Variants in CYP11A1 observed in about 807,000 individuals in gnomAD.
CYP11A1 encodes the protein cholesterol side-chain cleavage enzyme, mitochondrial.
A neutral mutation model predicts 51.9 loss-of-function variants in CYP11A1; 25 were observed. The ratio of observed to expected loss-of-function variants is 0.48; its 90% confidence interval spans 0.35 to 0.67. The LOEUF (loss-of-function observed/expected upper bound fraction) is 0.67, where lower values mean the gene tolerates loss of function less well. Among genes scored for constraint, CYP11A1 ranks in the 30% least tolerant of loss-of-function variants. The pLI is 0.00. For synonymous variants in CYP11A1, 245 were observed against 262.1 expected, an observed-to-expected ratio of 0.93 and a Z score of 0.63; for missense variants, 578 against 680.9, an observed-to-expected ratio of 0.85 and a Z score of 1.68.
intron 1 of CYP11A1, among the ~76,000 whole-genome samples, chr15:74,356,030 G>A (rs1460920411): frequency 6.6e-6 from 1 of 152,198 alleles, no homozygotes; most frequent in Non-Finnish European, 1.5e-5. Context: ...TGCCTTCAAG[G>A]TGTACAATAA....
intron 1 of CYP11A1, chr15:74,365,826 G>C (rs973724440): frequency 1.0e-6 from 1 of 985,492 alleles, no homozygotes; most frequent in Non-Finnish European, 1.2e-6. Context: ...GCCGCAGGCC[G>C]GGCAGAGAAA....
intron 1 of CYP11A1, chr15:74,359,401 A>C (rs911136308): frequency 6.6e-6 from 1 of 152,384 alleles, no homozygotes; most frequent in Non-Finnish European, 1.5e-5. Context: ...CAGGCCTCTG[A>C]GCCCAAGCTA....
At chr15:74,365,973 G>GA (rs1211153771) in intron 1 of CYP11A1, 1 of 831,830 alleles carries the variant, frequency 1.2e-6, no homozygotes, top group Non-Finnish European at 1.3e-6. Flanking sequence ...CTGGGACCTA[G>GA]GACCTGCGGT....
At chr15:74,355,319 A>G (rs1277778506) in intron 1 of CYP11A1, among the ~76,000 whole-genome samples, 1 of 152,182 alleles carries the variant, frequency 6.6e-6, no homozygotes, top group Non-Finnish European at 1.5e-5. Context: ...AGAAAACGGC[A>G]CTTTCGATTT....
chr15:74,367,084 CAA>C, intron 1 of CYP11A1: 1 of 581,912 alleles, frequency 1.7e-6, no homozygotes. Context: ...CCAATTGTTT[CAA>C]AAGTAGATGT....
intron 1 of CYP11A1, among the ~76,000 whole-genome samples, chr15:74,360,203 G>A (rs1459060004): frequency 6.6e-6 from 1 of 152,182 alleles, no homozygotes; most frequent in Admixed American, 6.5e-5. Flanking sequence ...CTGGGGACAC[G>A]TGGAGTTAGC....
chr15:74,353,944 A>C (rs1486478186), intron 1 of CYP11A1, among the ~76,000 whole-genome samples: 1 of 152,148 alleles, frequency 6.6e-6, no homozygotes, highest in Non-Finnish European at 1.5e-5. Flanking sequence ...TTTATCCTTA[A>C]ACTAACTTTT....
intron 1 of CYP11A1, chr15:74,365,427 G>A (rs1312960052): frequency 1.3e-5 from 2 of 153,226 alleles, no homozygotes; most frequent in East Asian, 1.9e-4. Flanking sequence ...ACCCCAGCAG[G>A]ACAGGAATCT....
At position 74,343,037 on chromosome 15, in the gene CYP11A1, C is replaced by T. The variant is rs544492511; in HGVS notation, c.930G>A (p.Lys310=). Reference sequence around the variant, plus strand: ...TGGCCTTGATGTCCTCGAAGGACATCTTGCTGTCTCCCAGGAGTCTGTAGA... The same window carrying T: ...TGGCCTTGATGTCCTCGAAGGACATTTTGCTGTCTCCCAGGAGTCTGTAGA... ...GILYRLLGDS[K]MSFEDIKANV... is the part of the protein sequence containing the mutation. The change falls in exon 5 of 9, where the codon AAG becomes AAA. Residue 310 remains lysine, a synonymous_variant. Coordinates refer to ENST00000268053, the MANE Select transcript of CYP11A1 (RefSeq NM_000781.3). 374 of 1,613,474 alleles carry T rather than the reference C, an allele frequency of 2.3e-4. 5 individuals carry two copies. The South Asian group carries it at 3.9e-3, about 17-fold the overall frequency.
Position 74,345,356 on chromosome 15 carries a change from G to T in CYP11A1, c.426-113C>A. 8.8e-7 allele frequency: 1 copy of T among 1,139,342 alleles called. No homozygotes were observed. The highest frequency in any genetic ancestry group is 1.3e-6 in the Non-Finnish European group (1 of 770,258). The allele number at this position is 1,139,342 out of a possible 1,614,324, so 70.6% of individuals were successfully genotyped here. A position where few individuals can be genotyped will look rare whatever the true frequency, so the allele number is the denominator to read the frequency against. ...GCTGAGTCACAGCTCACAGCATCCA[G>T]CACTCCCACCAGGGCCTCTGCCCTC... On this transcript the variant is annotated intron_variant, in intron 2 of 8. Coordinates refer to ENST00000268053, the MANE Select transcript of CYP11A1 (RefSeq NM_000781.3). This position sits in a 1 kb window ranked among gnomAD's most constrained non-coding sequence, Gnocchi z 4.3.
intron 5 of CYP11A1, among the ~76,000 whole-genome samples, chr15:74,340,450 G>T (rs769450552): frequency 1.3e-5 from 2 of 152,164 alleles, no homozygotes; most frequent in African/African-American, 4.8e-5. Flanking sequence ...GCCTGGAGCA[G>T]CCCTCCCTCC....
intron 8 of CYP11A1, 47 bp from the exon 9 acceptor site, chr15:74,338,150 G>A (rs769018255): frequency 6.2e-6 from 10 of 1,612,612 alleles, no homozygotes; most frequent in Non-Finnish European, 8.5e-6. Context: ...GGGAGGATCT[G>A]TCTCCCTAGC....
chr15:74,338,800 C>G, intron 7 of CYP11A1, 32 bp from the exon 8 acceptor site: 1 of 1,592,042 alleles, frequency 6.3e-7, no homozygotes, highest in South Asian at 1.1e-5. Context: ...CCTGAGTAAG[C>G]CCCACTTCCC....
Position 74,348,069 on chromosome 15 carries a change from G to C in CYP11A1, c.270-14C>G. 2 of 1,613,816 alleles carry C rather than the reference G, an allele frequency of 1.2e-6. No homozygotes were observed. The highest frequency in any genetic ancestry group is 2.2e-5 in the South Asian group (2 of 90,992). ...CCGAGCTTCTCCCTGGAGGGGTGGG[G>C]GAGAGGGGCTGATGGAAGGATCCGA... On this transcript the variant is annotated splice_polypyrimidine_tract_variant and intron_variant, in intron 1 of 8. Coordinates refer to ENST00000268053, the MANE Select transcript of CYP11A1 (RefSeq NM_000781.3).
Position 74,345,809 on chromosome 15 carries a change from C to T in CYP11A1, c.426-566G>A, listed in dbSNP as rs191622020. Among the ~76,000 whole-genome samples the T allele has an allele frequency of 3.1e-3, 477 of 152,312 alleles. 3 individuals carry two copies. The highest frequency in any genetic ancestry group is 0.025 in the South Asian group (123 of 4,826). ...CACTCTTGAAATTCATCAATCCATGCAAAGTCCTCTTCGTGACTTGGGGGT... is the reference window on the plus strand; with the variant it reads ...CACTCTTGAAATTCATCAATCCATGTAAAGTCCTCTTCGTGACTTGGGGGT... On this transcript the variant is annotated intron_variant, in intron 2 of 8. Coordinates refer to ENST00000268053, the MANE Select transcript of CYP11A1 (RefSeq NM_000781.3). This position sits in a 1 kb window ranked among gnomAD's most constrained non-coding sequence, Gnocchi z 4.3.
chr15:74,367,228 A>C, intron 1 of CYP11A1, 89 bp downstream of exon 1: 1 of 1,449,216 alleles, frequency 6.9e-7, no homozygotes, highest in Non-Finnish European at 9.7e-7. Context: ...ACCAGAGAAC[A>C]GCCTGTTGGG....
rs745687786 is a variant in CYP11A1, at chr15:74,345,267, C to G, written c.426-24G>C. The stretch of plus-strand genomic sequence containing the variant: ...TCCTGAGAAAACATGGGCCCACAAG[C>G]CCTCATGGTCACAGACCCCAGGCCT... On this transcript the variant is annotated intron_variant, in intron 2 of 8. Transcript: ENST00000268053. This position sits in a 1 kb window ranked among gnomAD's most constrained non-coding sequence, Gnocchi z 4.3. The G allele has an allele frequency of 1.9e-6, 3 of 1,613,882 alleles. No individual in the cohort carries two copies. Among genetic ancestry groups the G allele is most frequent in the Non-Finnish European group, 1.7e-6 (2 of 1,179,770 alleles).
chr15:74,343,198 C>A (rs2060615865), intron 4 of CYP11A1, 61 bp from the exon 5 acceptor site: 2 of 1,580,520 alleles, frequency 1.3e-6, no homozygotes, highest in East Asian at 4.5e-5. Context: ...GGAAGGAGGG[C>A]AGTCTGTGGT....
Position 74,367,269 on chromosome 15 carries a change from C to T in CYP11A1, c.269+48G>A, listed in dbSNP as rs781447202. 6 of 1,612,814 alleles carry T rather than the reference C, an allele frequency of 3.7e-6. No individual in the cohort carries two copies. In the Admixed American group the frequency reaches 8.3e-5, roughly 22 times the overall value. On this transcript the variant is annotated intron_variant, in intron 1 of 8. Coordinates refer to ENST00000268053, the MANE Select transcript of CYP11A1 (RefSeq NM_000781.3). ...GGGGACTACAGCAGGGCTACCCAGG[C>T]CCCTCCTCCTCCCTGTCCCTTCGGC...
Sources: allele counts gnomAD v4.1 joint callset (sites outside exome capture counted in the v4.1 genomes callset), GRCh38; gene constraint gnomAD v4.1.1; non-coding constraint Gnocchi (gnomAD v3.1); transcripts MANE v1.5; gene names NCBI Gene and HGNC (gene_info 2026-07-23, HGNC 2026-07-21).